The following TEX9 variants were observed in gnomAD, a reference collection of about 807,000 sequenced individuals.
TEX9 encodes testis-expressed protein 9.
A neutral mutation model predicts 59.6 loss-of-function variants in TEX9; 74 were observed. The observed-to-expected ratio is 1.24, with a 90% CI of 1.03 to 1.51. The LOEUF (loss-of-function observed/expected upper bound fraction) is 1.51. Ranked by LOEUF, TEX9 falls within the 40% of genes most tolerant of loss-of-function variation. The pLI is 0.00. For synonymous variants in TEX9, 186 were observed against 152.2 expected (o/e 1.22, Z -1.64); for missense variants, 522 against 447.8 (o/e 1.17, Z -1.49).
chr15:56,419,849 A>G (rs2049883337), intron 10 of TEX9, among the ~76,000 whole-genome samples: 1 of 151,618 alleles, frequency 6.6e-6, no homozygotes, highest in South Asian at 2.1e-4. Context: ...GGTTGGTATT[A>G]TTTTTTCTTT....
intron 9 of TEX9, among the ~76,000 whole-genome samples, chr15:56,403,986 A>G (rs918293550): frequency 2.0e-5 from 3 of 152,240 alleles, no homozygotes; most frequent in African/African-American, 7.2e-5. Flanking sequence ...TTAATTCAAG[A>G]TGGATTAAAG....
At chr15:56,271,817 A>G (rs2044539709) in intron 1 of TEX9, among the ~76,000 whole-genome samples, 1 of 152,190 alleles carries the variant, frequency 6.6e-6, no homozygotes. Flanking sequence ...AAAAATTCAT[A>G]TAAAAGTCAA....
intron 1 of TEX9, among the ~76,000 whole-genome samples, chr15:56,303,238 C>CA (rs1165863526): frequency 6.6e-6 from 1 of 152,122 alleles, no homozygotes; most frequent in Non-Finnish European, 1.5e-5. Flanking sequence ...ACACTTCATC[C>CA]ATAGCTACAG....
At chr15:56,434,812 C>T (rs1302935693) in intron 12 of TEX9, among the ~76,000 whole-genome samples, 1 of 152,050 alleles carries the variant, frequency 6.6e-6, no homozygotes, top group African/African-American at 2.4e-5. Flanking sequence ...ACCTCCTCCT[C>T]AAAATCAAAG....
At chr15:56,415,663 A>C (rs1468907072) in intron 10 of TEX9, among the ~76,000 whole-genome samples, 2 of 151,862 alleles carry the variant, frequency 1.3e-5, no homozygotes, top group East Asian at 3.8e-4. Flanking sequence ...TATAGTTTGA[A>C]GTCACACAGT....
At chr15:56,412,973 G>C (rs907725614) in intron 10 of TEX9, among the ~76,000 whole-genome samples, 32 of 151,980 alleles carry the variant, frequency 2.1e-4, no homozygotes, top group Admixed American at 3.9e-4. Flanking sequence ...GTAAATTATT[G>C]TAAGGATCAC....
At chr15:56,355,982 T>C (rs1209180344) in intron 1 of TEX9, among the ~76,000 whole-genome samples, 1 of 152,112 alleles carries the variant, frequency 6.6e-6, no homozygotes, top group Non-Finnish European at 1.5e-5. Context: ...TTAATTTTTG[T>C]ATATTGACCT....
intron 9 of TEX9, among the ~76,000 whole-genome samples, chr15:56,402,090 A>G (rs2048817748): frequency 6.6e-6 from 1 of 152,192 alleles, no homozygotes; most frequent in African/African-American, 2.4e-5. Context: ...GCAAGAGGAA[A>G]CAAATTCAAA....
chr15:56,296,952 A>G (rs2045232215), intron 1 of TEX9, among the ~76,000 whole-genome samples: 1 of 152,204 alleles, frequency 6.6e-6, no homozygotes, highest in Non-Finnish European at 1.5e-5. Flanking sequence ...GTCTAGGAAG[A>G]GTTCCATAGA....
At chr15:56,345,056 T>TAC (rs1555434773) in intron 1 of TEX9, among the ~76,000 whole-genome samples, 150 of 134,302 alleles carry the variant, frequency 1.1e-3, no homozygotes, top group East Asian at 4.5e-3. Context: ...TATATATATA[T>TAC]ACACACACAC....
intron 12 of TEX9, among the ~76,000 whole-genome samples, chr15:56,432,944 T>G (rs1306412656): frequency 5.3e-5 from 8 of 152,190 alleles, no homozygotes; most frequent in African/African-American, 1.9e-4. Flanking sequence ...TATTATCCAT[T>G]TGGTTCTTAA....
At position 56,424,029 on chromosome 15, in the gene TEX9, C is replaced by G. The variant is rs141343612; in HGVS notation, c.964-3576C>G. ...TTGGTCTATAATGTTGTTCAAGTCCCTTATTGCTTTATTGGTCTTCCATCC... is the reference window on the plus strand; with the variant it reads ...TTGGTCTATAATGTTGTTCAAGTCCGTTATTGCTTTATTGGTCTTCCATCC... On this transcript the variant is annotated intron_variant, in intron 10 of 12. Transcript: ENST00000352903. 2.7e-3 allele frequency among the ~76,000 whole-genome samples: 414 copies of G among 152,222 alleles called. 4 individuals carry two copies. The highest frequency in any genetic ancestry group is 9.5e-3 in the African/African-American group (394 of 41,550).
intron 1 of TEX9, among the ~76,000 whole-genome samples, chr15:56,301,443 TACA>T (rs1268642559): frequency 6.6e-6 from 1 of 151,996 alleles, no homozygotes; most frequent in Non-Finnish European, 1.5e-5. Flanking sequence ...AAGAAGGTTA[TACA>T]ACATCAAGCA....
chr15:56,334,013 A>G (rs1191187756), intron 1 of TEX9, among the ~76,000 whole-genome samples: 2 of 152,336 alleles, frequency 1.3e-5, no homozygotes. Context: ...GAAATTGAAG[A>G]GGACACAAAA....
Position 56,428,350 on chromosome 15 carries a change from G to A in TEX9, c.1099-17G>A. The A allele has an allele frequency of 1.3e-6, 2 of 1,585,414 alleles. No individual in the cohort carries two copies. Among genetic ancestry groups the A allele is most frequent in the Non-Finnish European group, 1.7e-6 (2 of 1,156,230 alleles). On this transcript the variant is annotated splice_polypyrimidine_tract_variant and intron_variant, in intron 11 of 12. Coordinates refer to ENST00000352903, the Ensembl canonical transcript of TEX9. The stretch of plus-strand genomic sequence containing the variant: ...TCTTAATACTAAATCAGACAATATT[G>A]ATTTTTTTTTTAACAGATGCATATT...
intron 1 of TEX9, among the ~76,000 whole-genome samples, chr15:56,276,527 A>G (rs1024985225): frequency 3.9e-5 from 6 of 152,162 alleles, no homozygotes; most frequent in African/African-American, 9.7e-5. Context: ...TTTATGGTTG[A>G]ATAGTATTCC....
At chr15:56,458,157 A>G in the TEX9 span, among the ~76,000 whole-genome samples, 41 of 152,366 alleles carry the variant, frequency 2.7e-4, no homozygotes, top group African/African-American at 8.7e-4. Context: ...CATTCTTGGT[A>G]CATGTTATTT....
At chr15:56,366,992 G>A (rs551529473) in intron 2 of TEX9, among the ~76,000 whole-genome samples, 7 of 152,130 alleles carry the variant, frequency 4.6e-5, no homozygotes, top group African/African-American at 1.7e-4. Flanking sequence ...CAATCAAAAC[G>A]GTTATTTTCA....
chr15:56,280,511 A>C (rs546296127), intron 1 of TEX9, among the ~76,000 whole-genome samples: 43 of 152,364 alleles, frequency 2.8e-4, no homozygotes, highest in African/African-American at 9.9e-4. Flanking sequence ...CTGCATAAGG[A>C]ATAAATTATA....
Sources: allele counts gnomAD v4.1 joint callset (sites outside exome capture counted in the v4.1 genomes callset), GRCh38; gene constraint gnomAD v4.1.1; transcripts MANE v1.5; gene names NCBI Gene and HGNC (gene_info 2026-07-23, HGNC 2026-07-21).